Variants in ANKS1A observed in about 807,000 individuals in gnomAD.
ANKS1A encodes ankyrin repeat and SAM domain-containing protein 1A.
In ANKS1A, 55 loss-of-function variants were observed where a neutral mutation model predicts 120.3. The ratio of observed to expected loss-of-function variants is 0.46; its 90% CI spans 0.37 to 0.57. The LOEUF (loss-of-function observed/expected upper bound fraction) is 0.57. ANKS1A is among the 20% of genes least tolerant of loss of function. The probability of loss-of-function intolerance (pLI) is 0.00; values close to 1 mark genes in which losing one functional copy is unlikely to be tolerated. For missense variants in ANKS1A, 1,123 were observed against 1,480.3 expected (o/e 0.76, Z 3.96); for synonymous variants, 590 against 604.7 (o/e 0.98, Z 0.36).
chr6:35,017,337 C>A, intron 10 of ANKS1A, 136 bp from the exon 11 acceptor site: 1 of 848,928 alleles, frequency 1.2e-6, no homozygotes, highest in Admixed American at 2.9e-5. Flanking sequence ...CTCCTCTCCC[C>A]CTCCCCAGCC....
intron 11 of ANKS1A, among the ~76,000 whole-genome samples, chr6:35,040,279 G>A (rs986400164): frequency 3.9e-5 from 6 of 152,232 alleles, no homozygotes; most frequent in Non-Finnish European, 5.9e-5. Flanking sequence ...CTCCGAGCCT[G>A]AGTTTTCTCA....
At chr6:34,954,375 T>TTG in intron 1 of ANKS1A, among the ~76,000 whole-genome samples, 1 of 152,238 alleles carries the variant, frequency 6.6e-6, no homozygotes, top group South Asian at 2.1e-4. Flanking sequence ...GTGTGTGGTA[T>TTG]TGTGTGTGTG....
At chr6:35,016,417 C>A (rs1054751772) in intron 10 of ANKS1A, among the ~76,000 whole-genome samples, 2 of 152,166 alleles carry the variant, frequency 1.3e-5, no homozygotes, top group African/African-American at 2.4e-5. Flanking sequence ...TGAGCTAGTG[C>A]TGGACATAGT....
chr6:35,078,612 C>A lies in ANKS1A; in HGVS notation c.2239C>A (p.Gln747Lys), dbSNP rs572349132. The A allele has an allele frequency of 2.5e-6, 4 of 1,607,028 alleles. No individual in the cohort carries two copies. The African/African-American group carries it at 5.3e-5, about 21-fold the overall frequency. Residue 747 changes from glutamine to lysine, a missense_variant, in exon 14 of 24, where the codon CAG becomes AAG. By Grantham distance (53) the Gln-to-Lys change is moderately conservative (BLOSUM62 1). Coordinates refer to ENST00000360359, the MANE Select transcript of ANKS1A (RefSeq NM_015245.3). Reference protein sequence around the residue: ...DLRDIGISDPQHRRKLLQAAR... With the variant: ...DLRDIGISDPKHRRKLLQAAR... ...GCGGGACATCGGCATCAGCGACCCA[C>A]AGCACCGGCGGAAGCTGCTCCAGGC... is the stretch of plus-strand genomic sequence containing the variant.
intron 3 of ANKS1A, among the ~76,000 whole-genome samples, chr6:34,976,999 A>G (rs150360470): frequency 1.3e-5 from 2 of 152,346 alleles, no homozygotes; most frequent in African/African-American, 4.8e-5. Context: ...ATTATCTAAT[A>G]TAGAATCCAT....
intron 11 of ANKS1A, among the ~76,000 whole-genome samples, chr6:35,020,282 A>G (rs889905100): frequency 3.3e-5 from 5 of 152,258 alleles, no homozygotes; most frequent in African/African-American, 1.2e-4. Flanking sequence ...AATACAGTGT[A>G]ACAATTACTT....
intron 11 of ANKS1A, among the ~76,000 whole-genome samples, chr6:35,036,038 G>T (rs1047961997): frequency 6.6e-6 from 1 of 152,332 alleles, no homozygotes; most frequent in Admixed American, 6.5e-5. Flanking sequence ...TTTCCCTTCA[G>T]CAGTTGGAGT....
Position 35,084,567 on chromosome 6 carries a change from A to G in ANKS1A, c.3132+309A>G, listed in dbSNP as rs576962276. Among the ~76,000 whole-genome samples, 13 of 150,952 alleles carry G rather than the reference A, an allele frequency of 8.6e-5. No individual in the cohort carries two copies. The East Asian group carries it at 2.5e-3, about 30-fold the overall frequency. ...TGCCTTGCACTCCTGGGTTCAGGCA[A>G]GTTACCCACCTCAGCCTCCCACGTA... On this transcript the variant is annotated intron_variant, in intron 21 of 23. Coordinates refer to ENST00000360359, the MANE Select transcript of ANKS1A (RefSeq NM_015245.3). The surrounding 1 kb of genome is among the most constrained non-coding windows in gnomAD (Gnocchi z 4.8).
At chr6:34,891,051 T>C (rs889027814) in intron 1 of ANKS1A, among the ~76,000 whole-genome samples, 1 of 152,204 alleles carries the variant, frequency 6.6e-6, no homozygotes, top group Admixed American at 6.5e-5. Flanking sequence ...TGGATGGTAT[T>C]ACTCGCTGTA....
chr6:34,890,136 G>C (rs760297619), intron 1 of ANKS1A, among the ~76,000 whole-genome samples: 1 of 151,952 alleles, frequency 6.6e-6, no homozygotes, highest in Non-Finnish European at 1.5e-5. Flanking sequence ...CTGTCAGCCA[G>C]GCTGGAGTGC....
At chr6:35,002,303 A>G (rs145276586) in intron 10 of ANKS1A, among the ~76,000 whole-genome samples, 285 of 151,854 alleles carry the variant, frequency 1.9e-3, no homozygotes, top group African/African-American at 6.6e-3. Flanking sequence ...AGCTTCACCA[A>G]CCCCTGCAAA....
At chr6:34,965,984 T>C (rs888080562) in intron 1 of ANKS1A, among the ~76,000 whole-genome samples, 1 of 152,110 alleles carries the variant, frequency 6.6e-6, no homozygotes, top group African/African-American at 2.4e-5. Flanking sequence ...CTCAACTGAT[T>C]GGCCCGCCTC....
chr6:35,047,817 T>C (rs879221914), intron 11 of ANKS1A, among the ~76,000 whole-genome samples: 1 of 152,240 alleles, frequency 6.6e-6, no homozygotes, highest in Admixed American at 6.5e-5. Flanking sequence ...TTGGCAAGTA[T>C]TGGTTCCGTG....
intron 13 of ANKS1A, among the ~76,000 whole-genome samples, chr6:35,069,143 T>G (rs1251327277): frequency 6.6e-6 from 1 of 152,186 alleles, no homozygotes; most frequent in Non-Finnish European, 1.5e-5. Flanking sequence ...TCAAGGTCGG[T>G]AAGCCCTGGG....
At chr6:35,079,728 G>A (rs1777564687) in intron 15 of ANKS1A, 60 bp downstream of exon 15, 1 of 1,612,894 alleles carries the variant, frequency 6.2e-7, no homozygotes, top group East Asian at 2.2e-5. Flanking sequence ...TCCCTTAGGG[G>A]CAGCCTGGCC....
intron 13 of ANKS1A, among the ~76,000 whole-genome samples, chr6:35,069,810 T>C (rs1295339375): frequency 1.3e-5 from 2 of 151,948 alleles, no homozygotes; most frequent in African/African-American, 4.8e-5. Context: ...GTGGATCACC[T>C]GAGGTCAGGA....
At chr6:34,981,135 G>A (rs933990625) in intron 3 of ANKS1A, among the ~76,000 whole-genome samples, 2 of 152,102 alleles carry the variant, frequency 1.3e-5, no homozygotes, top group African/African-American at 4.8e-5. Context: ...AATGGCTTTT[G>A]GCTGATACCT....
At chr6:34,936,129 A>G (rs1394745564) in intron 1 of ANKS1A, among the ~76,000 whole-genome samples, 1 of 151,704 alleles carries the variant, frequency 6.6e-6, no homozygotes, top group Non-Finnish European at 1.5e-5. Flanking sequence ...GCATGTCCCT[A>G]GTTGCTGGTA....
intron 13 of ANKS1A, among the ~76,000 whole-genome samples, chr6:35,061,762 C>T (rs1196759016): frequency 6.6e-6 from 1 of 152,182 alleles, no homozygotes; most frequent in East Asian, 1.9e-4. Flanking sequence ...TATGACCTAA[C>T]TCCTGACTCA....
Sources: gnomAD v4.1 joint callset for allele counts (sites outside exome capture counted in the v4.1 genomes callset) on GRCh38, gnomAD v4.1.1 for gene constraint, Gnocchi (gnomAD v3.1) non-coding constraint, MANE v1.5 for transcripts, NCBI Gene and HGNC (gene_info 2026-07-23, HGNC 2026-07-21) for gene names.